HTR1F: variants seen among roughly 807,000 people sequenced by gnomAD.
HTR1F encodes 5-hydroxytryptamine receptor 1F.
A neutral mutation model predicts 24.0 loss-of-function variants in HTR1F; 17 were observed. The ratio of observed to expected loss-of-function variants is 0.71; its 90% CI spans 0.48 to 1.06. The LOEUF is 1.06. Among genes scored for constraint, HTR1F ranks in the 50% least tolerant of loss-of-function variants. HTR1F has a pLI of 0.00. For synonymous variants in HTR1F, 186 were observed against 156.8 expected (o/e 1.19, Z -1.39); for missense variants, 391 against 427.8 (o/e 0.91, Z 0.76).
chr3:87,961,858 TGTA>T (rs1224878603), intron 2 of HTR1F, among the ~76,000 whole-genome samples: 8 of 150,402 alleles, frequency 5.3e-5, no homozygotes, highest in Non-Finnish European at 1.0e-4. Context: ...TGACAAAATG[TGTA>T]AGGGTTGTCA....
At chr3:87,912,153 T>C (rs1390163976) in intron 2 of HTR1F, among the ~76,000 whole-genome samples, 2 of 151,884 alleles carry the variant, frequency 1.3e-5, no homozygotes, top group Non-Finnish European at 2.9e-5. Context: ...CATGATTCTA[T>C]ATCTAGAAAA....
chr3:87,911,112 AC>A lies in HTR1F; in HGVS notation c.-42-79595del, dbSNP rs564957191. ...AAAGCTAGCGGAAGACAGGAAAAAA[AC>A]AAAATCAGAGCTTAATCGAAAGAGA... On this transcript the variant is annotated intron_variant, in intron 2 of 2. Coordinates refer to ENST00000319595, the MANE Select transcript of HTR1F (RefSeq NM_001322209.2). Among the ~76,000 whole-genome samples, 780 of 152,182 alleles carry A rather than the reference AC, an allele frequency of 5.1e-3. 8 individuals are homozygous for A. The highest frequency in any genetic ancestry group is 0.017 in the African/African-American group (723 of 41,548).
chr3:87,808,917 C>A (rs1428057414), intron 1 of HTR1F, among the ~76,000 whole-genome samples: 2 of 151,566 alleles, frequency 1.3e-5, no homozygotes, highest in Non-Finnish European at 3.0e-5. Context: ...TACAAAGTTT[C>A]TCTTTTTATA....
rs1167968304 is a variant in HTR1F, at chr3:87,993,127, A to T, written c.*1277A>T. 1 of 166,980 alleles carries T rather than the reference A, an allele frequency of 6.0e-6. No individual in the cohort carries two copies. Among genetic ancestry groups the T allele is most frequent in the African/African-American group, 2.4e-5 (1 of 41,424 alleles). The allele number at this position is 166,980 out of a possible 1,614,324, so 10.3% of individuals were successfully genotyped here. A position where few individuals can be genotyped will look rare whatever the true frequency, so the allele number is the denominator to read the frequency against. ...CTTTGGGAAGACCTATCATCAACCAAGATCGTTTGAAAAACAATATATACC... is the reference window on the plus strand; with the variant it reads ...CTTTGGGAAGACCTATCATCAACCATGATCGTTTGAAAAACAATATATACC... On this transcript the variant is annotated 3_prime_UTR_variant, in exon 3 of 3. Coordinates refer to ENST00000319595, the MANE Select transcript of HTR1F (RefSeq NM_001322209.2).
chr3:87,906,236 T>G (rs990998714), intron 2 of HTR1F, among the ~76,000 whole-genome samples: 1 of 152,090 alleles, frequency 6.6e-6, no homozygotes, highest in Non-Finnish European at 1.5e-5. Flanking sequence ...AAGTTTATTA[T>G]GTATAAGGCC....
At chr3:87,813,005 G>A (rs964900891) in intron 1 of HTR1F, among the ~76,000 whole-genome samples, 1 of 152,242 alleles carries the variant, frequency 6.6e-6, no homozygotes. Flanking sequence ...TGCAGGGGTA[G>A]GGCCCTCATG....
intron 2 of HTR1F, among the ~76,000 whole-genome samples, chr3:87,870,760 C>G (rs1462025129): frequency 3.9e-5 from 6 of 152,034 alleles, no homozygotes; most frequent in Non-Finnish European, 7.4e-5. Flanking sequence ...CACAGTACCA[C>G]AGATAGGTGC....
At chr3:87,860,074 G>A (rs1388551178) in intron 2 of HTR1F, among the ~76,000 whole-genome samples, 1 of 152,104 alleles carries the variant, frequency 6.6e-6, no homozygotes, top group Non-Finnish European at 1.5e-5. Context: ...TGGCATTGAA[G>A]GTTACTTAGA....
At chr3:87,884,304 G>C (rs1236404136) in intron 2 of HTR1F, among the ~76,000 whole-genome samples, 1 of 152,100 alleles carries the variant, frequency 6.6e-6, no homozygotes, top group Admixed American at 6.6e-5. Flanking sequence ...GAGAAATTTT[G>C]TCACCACCCG....
intron 2 of HTR1F, among the ~76,000 whole-genome samples, chr3:87,894,183 C>T (rs1019574264): frequency 3.3e-5 from 5 of 152,086 alleles, no homozygotes; most frequent in Admixed American, 6.5e-5. Context: ...CCTCTTCCCA[C>T]CCTTTCCCCC....
intron 2 of HTR1F, among the ~76,000 whole-genome samples, chr3:87,898,853 A>G (rs1039387953): frequency 6.6e-6 from 1 of 152,180 alleles, no homozygotes; most frequent in East Asian, 1.9e-4. Flanking sequence ...TTTTAAAAGT[A>G]AATGTTTGGA....
At chr3:87,882,524 G>A (rs1391241355) in intron 2 of HTR1F, among the ~76,000 whole-genome samples, 1 of 152,080 alleles carries the variant, frequency 6.6e-6, no homozygotes, top group Non-Finnish European at 1.5e-5. Flanking sequence ...ATACTATGCA[G>A]CCATAAAGAA....
chr3:87,880,784 G>A (rs1705776006), intron 2 of HTR1F, among the ~76,000 whole-genome samples: 1 of 151,922 alleles, frequency 6.6e-6, no homozygotes, highest in African/African-American at 2.4e-5. Context: ...GCTTACATGA[G>A]GTCTCACTTT....
At position 87,969,175 on chromosome 3, in the gene HTR1F, G is replaced by A. The variant is rs535941174; in HGVS notation, c.-42-21533G>A. On this transcript the variant is annotated intron_variant, in intron 2 of 2. Transcript: ENST00000319595. ...TAGGGCAGTGTGGAAGGGAACGTGT[G>A]ATTGAAGCTCTCACACAGATTCCCC... Among the ~76,000 whole-genome samples, 38 of 152,358 alleles carry A rather than the reference G, an allele frequency of 2.5e-4. No homozygotes were observed. In the South Asian group the frequency reaches 7.9e-3, roughly 32 times the overall value.
intron 2 of HTR1F, among the ~76,000 whole-genome samples, chr3:87,888,722 A>G (rs1195489078): frequency 1.3e-5 from 2 of 152,152 alleles, no homozygotes; most frequent in Non-Finnish European, 2.9e-5. Context: ...CTTCCTTTAA[A>G]CTGACTGACC....
At chr3:87,977,551 AG>A (rs1259740880) in intron 2 of HTR1F, among the ~76,000 whole-genome samples, 3 of 151,016 alleles carry the variant, frequency 2.0e-5, no homozygotes, top group African/African-American at 7.3e-5. Flanking sequence ...GGCACCCGCC[AG>A]CACGCCCAGC....
At chr3:87,938,873 A>T (rs1325561158) in intron 2 of HTR1F, among the ~76,000 whole-genome samples, 1 of 152,202 alleles carries the variant, frequency 6.6e-6, no homozygotes, top group East Asian at 1.9e-4. Flanking sequence ...TAGACATAGG[A>T]ACAGGCAAAG....
chr3:87,970,497 C>T lies in HTR1F; in HGVS notation c.-42-20211C>T, dbSNP rs553452622. Among the ~76,000 whole-genome samples, 169 of 152,238 alleles carry T rather than the reference C, an allele frequency of 1.1e-3. 1 individual carries two copies. Among genetic ancestry groups the T allele is most frequent in the Admixed American group, 1.7e-3 (26 of 15,284 alleles). On this transcript the variant is annotated intron_variant, in intron 2 of 2. Transcript: ENST00000319595. ...TGAGAAATACAAATGTTTCCCTGAGCGAGGGCCACACAGGGAATAGCTGGA... is the reference window on the plus strand; with the variant it reads ...TGAGAAATACAAATGTTTCCCTGAGTGAGGGCCACACAGGGAATAGCTGGA...
chr3:87,843,651 G>T (rs947202122), intron 2 of HTR1F, among the ~76,000 whole-genome samples: 2 of 148,072 alleles, frequency 1.4e-5, no homozygotes, highest in Admixed American at 1.3e-4. Flanking sequence ...CTAGCATTAG[G>T]TATATCTCCC....
Sources: gnomAD v4.1 joint callset for allele counts (sites outside exome capture counted in the v4.1 genomes callset) on GRCh38, gnomAD v4.1.1 for gene constraint, MANE v1.5 for transcripts, NCBI Gene and HGNC (gene_info 2026-07-23, HGNC 2026-07-21) for gene names.